The following ALK variants were observed in gnomAD, a reference collection of about 807,000 sequenced individuals.
ALK encodes the protein ALK tyrosine kinase receptor.
ALK carries 74 observed loss-of-function variants against 163.1 expected under a neutral mutation model. That is an observed-to-expected ratio of 0.45 (90% CI 0.38 to 0.55). The LOEUF (loss-of-function observed/expected upper bound fraction) is 0.55, where lower values mean the gene tolerates loss of function less well. ALK is among the 20% of genes least tolerant of loss of function. ALK has a pLI of 0.00. For missense variants in ALK, 2,063 were observed against 2,105.3 expected (o/e 0.98, Z 0.39); for synonymous variants, 960 against 843.2 (o/e 1.14, Z -2.40).
chr2:29,272,572 A>G (rs1665420384), intron 11 of ALK, among the ~76,000 whole-genome samples: 1 of 152,184 alleles, frequency 6.6e-6, no homozygotes, highest in Non-Finnish European at 1.5e-5. Flanking sequence ...ACTGTTCTCA[A>G]AAGACCCCAA....
rs558728808 is a variant in ALK, at chr2:29,414,116, G to A, written c.1155-30257C>T. ...GTTATGAGGTTAGGATGGCTACAAC[G>A]GCACTAGGTGATTGATAGGAAGTTT... On this transcript the variant is annotated intron_variant, in intron 4 of 28. Transcript: ENST00000389048. Among the ~76,000 whole-genome samples the A allele has an allele frequency of 3.3e-5, 5 of 152,324 alleles. No individual in the cohort carries two copies. The South Asian group carries it at 6.2e-4, about 19-fold the overall frequency.
At chr2:29,216,635 T>C (rs1040898577) in intron 23 of ALK, among the ~76,000 whole-genome samples, 2 of 151,480 alleles carry the variant, frequency 1.3e-5, no homozygotes. Context: ...TGCGTGTGTA[T>C]TGTGTATATG....
At chr2:29,588,181 T>G (rs903675826) in intron 3 of ALK, among the ~76,000 whole-genome samples, 2 of 152,164 alleles carry the variant, frequency 1.3e-5, no homozygotes, top group Non-Finnish European at 2.9e-5. Flanking sequence ...GACCATAAAT[T>G]ATACATTATC....
At chr2:29,720,276 A>G (rs1054376880) in intron 1 of ALK, among the ~76,000 whole-genome samples, 7 of 152,144 alleles carry the variant, frequency 4.6e-5, no homozygotes, top group African/African-American at 1.7e-4. Flanking sequence ...GCAAGGTAAT[A>G]TGGACATCAC....
chr2:29,385,946 C>T (rs1489044329), intron 4 of ALK, among the ~76,000 whole-genome samples: 3 of 152,184 alleles, frequency 2.0e-5, no homozygotes, highest in Non-Finnish European at 2.9e-5. Context: ...AAAATGTGTG[C>T]ACATTTAGGC....
chr2:29,402,960 G>A (rs1470515760), intron 4 of ALK, among the ~76,000 whole-genome samples: 1 of 151,994 alleles, frequency 6.6e-6, no homozygotes, highest in Admixed American at 6.6e-5. Context: ...GTAGGTTGTG[G>A]CTCAAAGCAG....
At chr2:29,218,936 C>T (rs2148164590) in intron 23 of ALK, among the ~76,000 whole-genome samples, 1 of 152,348 alleles carries the variant, frequency 6.6e-6, no homozygotes, top group African/African-American at 2.4e-5. Flanking sequence ...AGGACACAAC[C>T]TCATCTTGAT....
intron 12 of ALK, among the ~76,000 whole-genome samples, chr2:29,240,442 A>G (rs1664495604): frequency 6.6e-6 from 1 of 152,130 alleles, no homozygotes; most frequent in African/African-American, 2.4e-5. Context: ...AGTATTAGTT[A>G]ATTATTATTA....
At chr2:29,256,176 CAGG>C (rs1424732247) in intron 11 of ALK, among the ~76,000 whole-genome samples, 1 of 152,160 alleles carries the variant, frequency 6.6e-6, no homozygotes, top group Non-Finnish European at 1.5e-5. Context: ...TTCCAGGGGA[CAGG>C]AGGAGTCAAG....
intron 4 of ALK, among the ~76,000 whole-genome samples, chr2:29,391,084 C>T (rs1435796550): frequency 1.3e-5 from 2 of 152,126 alleles, no homozygotes; most frequent in African/African-American, 2.4e-5. Flanking sequence ...TTCCCTGGGG[C>T]TGCAGGCCTG....
At chr2:29,588,182 A>G (rs768775919) in intron 3 of ALK, among the ~76,000 whole-genome samples, 6 of 152,182 alleles carry the variant, frequency 3.9e-5, no homozygotes, top group Non-Finnish European at 8.8e-5. Flanking sequence ...ACCATAAATT[A>G]TACATTATCC....
At chr2:29,775,756 G>T (rs1290852643) in intron 1 of ALK, among the ~76,000 whole-genome samples, 2 of 152,162 alleles carry the variant, frequency 1.3e-5, no homozygotes, top group Non-Finnish European at 2.9e-5. Context: ...AGCCTATTGT[G>T]AGGATTAATA....
intron 4 of ALK, among the ~76,000 whole-genome samples, chr2:29,512,478 G>T (rs902108293): frequency 2.7e-5 from 4 of 149,126 alleles, no homozygotes; most frequent in African/African-American, 1.0e-4. Flanking sequence ...CAATAAATTA[G>T]GAATTGATGG....
intron 3 of ALK, among the ~76,000 whole-genome samples, chr2:29,635,597 A>T (rs1676496530): frequency 1.3e-5 from 2 of 151,848 alleles, no homozygotes; most frequent in Non-Finnish European, 2.9e-5. Flanking sequence ...AGAACTCTGG[A>T]TAATACATTT....
At chr2:29,668,733 C>T (rs1677592519) in intron 3 of ALK, among the ~76,000 whole-genome samples, 1 of 152,046 alleles carries the variant, frequency 6.6e-6, no homozygotes, top group Non-Finnish European at 1.5e-5. Flanking sequence ...AGTCTGTTCT[C>T]ATGGTGCTAA....
At chr2:29,807,604 T>G (rs1664654663) in intron 1 of ALK, among the ~76,000 whole-genome samples, 1 of 152,068 alleles carries the variant, frequency 6.6e-6, no homozygotes, top group Admixed American at 6.5e-5. Flanking sequence ...AGGTGGGAGT[T>G]CAAATAAATG....
chr2:29,768,486 TC>T (rs1452380818), intron 1 of ALK, among the ~76,000 whole-genome samples: 2 of 152,168 alleles, frequency 1.3e-5, no homozygotes, highest in East Asian at 3.9e-4. Flanking sequence ...TCAGAAGATG[TC>T]AAAATACAAG....
intron 3 of ALK, among the ~76,000 whole-genome samples, chr2:29,665,711 T>G (rs1573538676): frequency 6.6e-6 from 1 of 152,118 alleles, no homozygotes; most frequent in East Asian, 1.9e-4. Flanking sequence ...AGAATTAGAG[T>G]TGAAATTAAG....
intron 1 of ALK, among the ~76,000 whole-genome samples, chr2:29,766,738 T>C (rs1680875440): frequency 1.3e-5 from 2 of 152,232 alleles, no homozygotes; most frequent in Admixed American, 1.3e-4. Context: ...TAAATGATTG[T>C]TGAATATAAT....
Sources: gnomAD v4.1 joint callset for allele counts (sites outside exome capture counted in the v4.1 genomes callset) on GRCh38, gnomAD v4.1.1 for gene constraint, MANE v1.5 for transcripts, NCBI Gene and HGNC (gene_info 2026-07-23, HGNC 2026-07-21) for gene names.